The following PGR variants were observed in gnomAD, a reference collection of about 807,000 sequenced individuals.
PGR encodes nuclear receptor subfamily 3 group C member 3.
PGR carries 25 observed loss-of-function variants against 76.1 expected under a neutral mutation model. The observed-to-expected ratio is 0.33, with a 90% CI of 0.24 to 0.46. PGR has a LOEUF of 0.46. PGR is among the 20% of genes least tolerant of loss of function. The pLI is 1.00. For missense variants in PGR, 1,172 were observed against 1,225.3 expected, an observed-to-expected ratio of 0.96 and a Z score of 0.65; for synonymous variants, 579 against 535.0, an observed-to-expected ratio of 1.08 and a Z score of -1.14.
chr11:101,044,464 G>A (rs971674224), intron 6 of PGR, among the ~76,000 whole-genome samples: 3 of 152,008 alleles, frequency 2.0e-5, no homozygotes, highest in South Asian at 2.1e-4. Flanking sequence ...GCAATAAGGC[G>A]GTTTTGCTTA....
chr11:101,128,635 CG>C lies in PGR; in HGVS notation c.435del (p.Glu146AsnfsTer20). On this transcript the variant is annotated frameshift_variant, in exon 1 of 8. Coordinates refer to ENST00000325455, the MANE Select transcript of PGR (RefSeq NM_000926.4). LOFTEE classifies it high-confidence loss of function. ...EVTSSWCLFGPELPEDPPAAP... is the reference protein window; with the variant it reads ...EVTSSWCLFGXELPEDPPAAP... ...GCAGCCGGTGGATCTTCGGGAAGTTCGGGGCCAAACAGGCACCAAGAGCTGG... is the reference window on the plus strand; with the variant it reads ...GCAGCCGGTGGATCTTCGGGAAGTTCGGGCCAAACAGGCACCAAGAGCTGG... 6.3e-7 allele frequency: 1 copy of C among 1,588,714 alleles called. No homozygotes were observed.
At position 101,127,595 on chromosome 11, in the gene PGR, C is replaced by T; in HGVS notation, c.1476G>A (p.Arg492=). 1 of 1,305,112 alleles carries T rather than the reference C, an allele frequency of 7.7e-7. No homozygotes were observed. Among genetic ancestry groups the T allele is most frequent in the Non-Finnish European group, 9.7e-7 (1 of 1,035,804 alleles). The allele number at this position is 1,305,112 out of a possible 1,614,324, so 80.8% of individuals were successfully genotyped here. A position where few individuals can be genotyped will look rare whatever the true frequency, so the allele number is the denominator to read the frequency against. Residue 492 remains arginine (R), a synonymous_variant, in exon 1 of 8, where the codon CGG becomes CGA. Coordinates refer to ENST00000325455, the MANE Select transcript of PGR (RefSeq NM_000926.4). ...AGGCGGAGGTGGAGGGCAGGCCGTCCCGCGGGAGCAGGCAGCCGCTCGCGC... is the reference window on the plus strand; with the variant it reads ...AGGCGGAGGTGGAGGGCAGGCCGTCTCGCGGGAGCAGGCAGCCGCTCGCGC... The part of the protein sequence containing the change: ...APGASGCLLP[R]DGLPSTSASA...
intron 3 of PGR, among the ~76,000 whole-genome samples, chr11:101,083,904 G>A (rs1270567337): frequency 6.6e-6 from 1 of 152,146 alleles, no homozygotes; most frequent in Admixed American, 6.5e-5. Flanking sequence ...GGGGACTGTT[G>A]GGAAGGCATG....
At chr11:101,078,379 G>C (rs948832162) in intron 3 of PGR, among the ~76,000 whole-genome samples, 1 of 152,112 alleles carries the variant, frequency 6.6e-6, no homozygotes, top group Non-Finnish European at 1.5e-5. Context: ...TGTAGAAAGC[G>C]ACTTATTTTT....
chr11:101,090,603 G>C (rs1482331901), intron 3 of PGR, among the ~76,000 whole-genome samples: 3 of 152,106 alleles, frequency 2.0e-5, no homozygotes, highest in Non-Finnish European at 4.4e-5. Context: ...TTGAGGTGTG[G>C]GACTCAAAAA....
rs1212568882 is a variant in PGR at position 101,085,525 on chromosome 11, T to TAAAAAAAAAAAAAA, written c.1906+6221_1906+6234dup. On this transcript the variant is annotated intron_variant, in intron 3 of 7. Transcript: ENST00000325455. ...GACCTAACATCACACCTAGAGGAAC[T>TAAAAAAAAAAAAAA]AAAAAAAAAAAAAAAAAAAAAAAAA... 5.1e-3 allele frequency among the ~76,000 whole-genome samples: 215 copies of TAAAAAAAAAAAAAA among 42,230 alleles called. 1 individual carries two copies. The highest frequency in any genetic ancestry group is 0.025 in the Middle Eastern group (1 of 40). 27.7% of individuals were successfully genotyped at this position (42,230 alleles called of 152,430 possible). A position where few individuals can be genotyped will look rare whatever the true frequency, so the allele number is the denominator to read the frequency against.
intron 2 of PGR, among the ~76,000 whole-genome samples, chr11:101,116,029 G>C (rs367669718): frequency 5.3e-5 from 8 of 152,254 alleles, no homozygotes; most frequent in African/African-American, 1.9e-4. Context: ...TATTTACATA[G>C]ACTACAAGAT....
At chr11:101,090,010 C>A (rs1861625648) in intron 3 of PGR, among the ~76,000 whole-genome samples, 1 of 152,110 alleles carries the variant, frequency 6.6e-6, no homozygotes, top group Admixed American at 6.5e-5. Flanking sequence ...ACCAGCCTGG[C>A]CAACATGGTG....
Position 101,129,372 on chromosome 11 carries a change from T to G in PGR, c.-302A>C. The G allele has an allele frequency of 1.1e-5, 4 of 369,586 alleles. No individual in the cohort carries two copies. The highest frequency in any genetic ancestry group is 9.8e-6 in the Non-Finnish European group (2 of 204,196). 22.9% of individuals were successfully genotyped at this position (369,586 alleles called of 1,614,324 possible). ...AGATCTCGTCTCCTAACTCGGGGAGTTCTCCAAGAGAGTTCTCCAACTTCT... is the reference window on the plus strand; with the variant it reads ...AGATCTCGTCTCCTAACTCGGGGAGGTCTCCAAGAGAGTTCTCCAACTTCT... On this transcript the variant is annotated 5_prime_UTR_variant, in exon 1 of 8. Coordinates refer to ENST00000325455, the MANE Select transcript of PGR (RefSeq NM_000926.4).
chr11:101,059,842 CAAAAAAA>C (rs781123527), intron 4 of PGR, among the ~76,000 whole-genome samples: 9 of 62,788 alleles, frequency 1.4e-4, no homozygotes, highest in East Asian at 4.1e-4. Flanking sequence ...GACCCTCTCT[CAAAAAAA>C]AAAAAAAAAA....
At chr11:101,051,154 A>C (rs1405724291) in intron 5 of PGR, among the ~76,000 whole-genome samples, 2 of 152,074 alleles carry the variant, frequency 1.3e-5, no homozygotes, top group African/African-American at 4.8e-5. Flanking sequence ...ATTAGTACCA[A>C]GCTATGAAAT....
intron 3 of PGR, among the ~76,000 whole-genome samples, chr11:101,074,098 T>C (rs1383608101): frequency 6.6e-6 from 1 of 152,104 alleles, no homozygotes; most frequent in East Asian, 1.9e-4. Flanking sequence ...GCAATCCAAA[T>C]CCAGCAGCAC....
chr11:101,129,727 T>C lies in PGR; in HGVS notation c.-657A>G, dbSNP rs1431297159. The C allele has an allele frequency of 1.1e-5, 2 of 180,498 alleles. No homozygotes were observed. Among genetic ancestry groups the C allele is most frequent in the East Asian group, 1.8e-4 (2 of 10,968 alleles). 11.2% of individuals were successfully genotyped at this position (180,498 alleles called of 1,614,324 possible). ...CCTCGGGTTGTAGATTTCACTCAAA[T>C]GACAAGTGAAGCTAGTTCTCATTGA... On this transcript the variant is annotated 5_prime_UTR_variant, in exon 1 of 8. Transcript: ENST00000325455.
intron 3 of PGR, among the ~76,000 whole-genome samples, chr11:101,077,301 C>CT (rs887852316): frequency 6.6e-6 from 1 of 152,102 alleles, no homozygotes; most frequent in African/African-American, 2.4e-5. Context: ...TGGCACTACA[C>CT]TTTAACAATC....
At chr11:101,088,880 C>A (rs1313304950) in intron 3 of PGR, among the ~76,000 whole-genome samples, 2 of 152,164 alleles carry the variant, frequency 1.3e-5, no homozygotes, top group Non-Finnish European at 2.9e-5. Context: ...ACATCCTTTG[C>A]AGCAGCATGG....
At chr11:101,087,226 G>A (rs1157923550) in intron 3 of PGR, among the ~76,000 whole-genome samples, 1 of 152,054 alleles carries the variant, frequency 6.6e-6, no homozygotes, top group East Asian at 1.9e-4. Flanking sequence ...ACTGGCACGA[G>A]AGCAGACACA....
At chr11:101,066,831 AC>A (rs1860734488) in intron 3 of PGR, among the ~76,000 whole-genome samples, 1 of 152,080 alleles carries the variant, frequency 6.6e-6, no homozygotes, top group Non-Finnish European at 1.5e-5. Flanking sequence ...AAATCCAAAT[AC>A]CTGTTTCCAC....
intron 4 of PGR, among the ~76,000 whole-genome samples, chr11:101,052,269 CTGTGTGTGTGTGTGTGTGTGTGTG>C (rs55925008): frequency 0.24 from 34,403 of 141,910 alleles, 4,947 homozygotes; most frequent in Non-Finnish European, 0.34. Context: ...GATTTAGAAT[CTGTGTGTGTGTGTGTGTGTGTGTG>C]TGTGTGTGTG....
rs11224603 is a variant in PGR, at chr11:101,121,772, C to A, written c.1789+4235G>T. Among the ~76,000 whole-genome samples, 545 of 152,300 alleles carry A rather than the reference C, an allele frequency of 3.6e-3. 4 individuals are homozygous for A. Among genetic ancestry groups the A allele is most frequent in the African/African-American group, 0.012 (516 of 41,568 alleles). The stretch of plus-strand genomic sequence containing the variant: ...GTCTCTCGTTTTACTGTGGTTTCAC[C>A]AGTACCTAACATAGTGCCTGGCGCA... On this transcript the variant is annotated intron_variant, in intron 2 of 7. Coordinates refer to ENST00000325455, the MANE Select transcript of PGR (RefSeq NM_000926.4).
Sources: gnomAD v4.1 joint callset for allele counts (sites outside exome capture counted in the v4.1 genomes callset) on GRCh38, gnomAD v4.1.1 for gene constraint, MANE v1.5 for transcripts, NCBI Gene and HGNC (gene_info 2026-07-23, HGNC 2026-07-21) for gene names.